The following FHIT variants were observed in gnomAD, a reference collection of about 807,000 sequenced individuals.
The protein encoded by FHIT is fragile histidine triad diadenosine triphosphatase.
FHIT carries 19 observed loss-of-function variants against 17.9 expected under a neutral mutation model. That is an observed-to-expected ratio of 1.06 (90% CI 0.74 to 1.56). The LOEUF is 1.56. Among genes scored for constraint, FHIT ranks in the 40% most tolerant of loss-of-function variants. The probability of loss-of-function intolerance (pLI) is 0.00; values close to 1 mark genes in which losing one functional copy is unlikely to be tolerated. For missense variants in FHIT, 248 were observed against 189.2 expected, an observed-to-expected ratio of 1.31 and a Z score of -1.82; for synonymous variants, 81 against 69.7, an observed-to-expected ratio of 1.16 and a Z score of -0.81.
intron 7 of FHIT, among the ~76,000 whole-genome samples, chr3:60,002,984 T>C (rs1334717331): frequency 6.6e-6 from 1 of 152,180 alleles, no homozygotes; most frequent in Middle Eastern, 3.4e-3. Flanking sequence ...GATTGGAAAA[T>C]AGGAGGCATG....
intron 8 of FHIT, among the ~76,000 whole-genome samples, chr3:59,838,909 C>T (rs1701431287): frequency 6.6e-6 from 1 of 152,184 alleles, no homozygotes; most frequent in South Asian, 2.1e-4. Context: ...TGCCTCTACA[C>T]TTCAACCAGA....
At chr3:60,432,172 C>T (rs571432786) in intron 5 of FHIT, among the ~76,000 whole-genome samples, 8 of 152,064 alleles carry the variant, frequency 5.3e-5, no homozygotes, top group Non-Finnish European at 1.2e-4. Flanking sequence ...GATAAGGTTT[C>T]ATCATGTTGC....
At chr3:59,951,259 T>G (rs1402342541) in intron 7 of FHIT, among the ~76,000 whole-genome samples, 1 of 151,992 alleles carries the variant, frequency 6.6e-6, no homozygotes, top group Non-Finnish European at 1.5e-5. Context: ...CTGGGTTCTG[T>G]GCATGGAAAT....
chr3:60,894,391 A>C (rs74404055), intron 3 of FHIT, among the ~76,000 whole-genome samples: 1,562 of 152,212 alleles, frequency 0.01, 32 homozygotes, highest in African/African-American at 0.035. Flanking sequence ...GGATGCAAAC[A>C]ATTATGGTAC....
At chr3:60,705,910 A>T (rs931654676) in intron 4 of FHIT, among the ~76,000 whole-genome samples, 1 of 152,220 alleles carries the variant, frequency 6.6e-6, no homozygotes, top group Non-Finnish European at 1.5e-5. Flanking sequence ...CCTTTGAATA[A>T]GAATATATTA....
intron 5 of FHIT, among the ~76,000 whole-genome samples, chr3:60,406,590 C>CA (rs1701867171): frequency 6.7e-6 from 1 of 148,948 alleles, no homozygotes; most frequent in African/African-American, 2.5e-5. Flanking sequence ...TAATCATTTT[C>CA]ATGTAAAGAT....
chr3:60,829,435 A>G (rs1416315737), intron 3 of FHIT, among the ~76,000 whole-genome samples: 1 of 152,202 alleles, frequency 6.6e-6, no homozygotes, highest in Non-Finnish European at 1.5e-5. Flanking sequence ...TGGGCCTACC[A>G]ACTTATACTA....
chr3:60,056,375 G>A (rs1702081829), intron 5 of FHIT, among the ~76,000 whole-genome samples: 1 of 152,076 alleles, frequency 6.6e-6, no homozygotes, highest in Admixed American at 6.5e-5. Context: ...ATATTGGGGA[G>A]GGGGGAAGAA....
chr3:60,932,770 C>A (rs1708024421), intron 3 of FHIT, among the ~76,000 whole-genome samples: 2 of 152,164 alleles, frequency 1.3e-5, no homozygotes, highest in South Asian at 4.1e-4. Context: ...CTCTTCCAAC[C>A]TCTCAGTTTT....
chr3:60,724,158 C>A (rs1385828179), intron 4 of FHIT, among the ~76,000 whole-genome samples: 2 of 152,164 alleles, frequency 1.3e-5, no homozygotes, highest in Non-Finnish European at 2.9e-5. Context: ...CCCAACCACC[C>A]AGCTAGGCAA....
At chr3:61,107,332 T>A (rs561020512) in intron 2 of FHIT, among the ~76,000 whole-genome samples, 1 of 152,352 alleles carries the variant, frequency 6.6e-6, no homozygotes, top group African/African-American at 2.4e-5. Flanking sequence ...TGAATAATTT[T>A]CCAGGGTGTA....
intron 4 of FHIT, among the ~76,000 whole-genome samples, chr3:60,581,045 T>G (rs1321751980): frequency 6.6e-6 from 1 of 152,018 alleles, no homozygotes; most frequent in Admixed American, 6.6e-5. Context: ...TGCTGCGGAG[T>G]TAGAGAGTAC....
chr3:61,133,750 T>C (rs965464821), intron 2 of FHIT, among the ~76,000 whole-genome samples: 6 of 151,988 alleles, frequency 3.9e-5, no homozygotes, highest in Admixed American at 1.3e-4. Flanking sequence ...GGAAAGAAAG[T>C]CTGAGAGCCA....
At chr3:60,137,070 C>CAAAA (rs1699845994) in intron 5 of FHIT, among the ~76,000 whole-genome samples, 1 of 152,166 alleles carries the variant, frequency 6.6e-6, no homozygotes, top group East Asian at 1.9e-4. Flanking sequence ...AAACAATTTT[C>CAAAA]TATTTCAAAA....
intron 3 of FHIT, among the ~76,000 whole-genome samples, chr3:60,963,123 T>C (rs1553781674): frequency 6.6e-6 from 1 of 152,236 alleles, no homozygotes; most frequent in Non-Finnish European, 1.5e-5. Context: ...TATTGGTCTA[T>C]TAAGGGATTC....
intron 4 of FHIT, among the ~76,000 whole-genome samples, chr3:60,591,121 C>A (rs896869318): frequency 6.6e-6 from 1 of 152,060 alleles, no homozygotes; most frequent in Non-Finnish European, 1.5e-5. Flanking sequence ...TTCTGAAAAG[C>A]TAAGCCCACT....
intron 5 of FHIT, among the ~76,000 whole-genome samples, chr3:60,519,851 A>C (rs1559508371): frequency 6.6e-6 from 1 of 152,190 alleles, no homozygotes; most frequent in Non-Finnish European, 1.5e-5. Flanking sequence ...CACACAAAGA[A>C]AAATGAGAAC....
chr3:60,981,855 G>A (rs1359179172), intron 3 of FHIT, among the ~76,000 whole-genome samples: 2 of 151,968 alleles, frequency 1.3e-5, no homozygotes, highest in African/African-American at 4.8e-5. Context: ...CTCCCACCTT[G>A]GCCTCCCAAA....
chr3:60,115,414 C>T (rs1319292679), intron 5 of FHIT, among the ~76,000 whole-genome samples: 2 of 152,066 alleles, frequency 1.3e-5, no homozygotes, highest in Non-Finnish European at 2.9e-5. Flanking sequence ...AAATACTCAA[C>T]TTCACTATAT....
Sources: allele counts gnomAD v4.1 joint callset (sites outside exome capture counted in the v4.1 genomes callset), GRCh38; gene constraint gnomAD v4.1.1; transcripts MANE v1.5; gene names NCBI Gene and HGNC (gene_info 2026-07-23, HGNC 2026-07-21).